Variants in ASPM observed in about 807,000 individuals in gnomAD.
ASPM encodes assembly factor for spindle microtubules, also known as abnormal spindle-like microcephaly-associated protein.
ASPM carries 256 observed loss-of-function variants against 366.4 expected under a neutral mutation model. The ratio of observed to expected loss-of-function variants is 0.70; its 90% CI spans 0.63 to 0.77. ASPM has a LOEUF of 0.77. Ranked by LOEUF, ASPM falls within the 30% of genes least tolerant of loss-of-function variation. The probability of loss-of-function intolerance (pLI) is 0.00; values close to 1 mark genes in which losing one functional copy is unlikely to be tolerated. For missense variants in ASPM, 4,146 were observed against 4,090.4 expected, an observed-to-expected ratio of 1.01 and a Z score of -0.37; for synonymous variants, 1,414 against 1,342.9, an observed-to-expected ratio of 1.05 and a Z score of -1.16.
At chr1:197,126,561 ATT>A (rs1216663208) in intron 10 of ASPM, among the ~76,000 whole-genome samples, 3 of 151,876 alleles carry the variant, frequency 2.0e-5, no homozygotes, top group African/African-American at 7.3e-5. Context: ...AACAATTCCT[ATT>A]GGCCAGAATA....
intron 7 of ASPM, among the ~76,000 whole-genome samples, chr1:197,130,411 A>G (rs919534275): frequency 4.6e-5 from 7 of 152,202 alleles, no homozygotes; most frequent in African/African-American, 1.7e-4. Flanking sequence ...GTGAAGTTAT[A>G]ACAGAAACCT....
rs961959330 is a variant in ASPM at position 197,135,229 on chromosome 1, G to A, written c.2040C>T (p.His680=). ...IKPLKTDIPR[H]PMPFAAKNMF... ...TGTTTTTTGCAGCAAATGGCATCGG[G>A]TGTCTGGGAATATCTAAGAATACAA... The change falls in exon 5 of 28, where the codon CAC becomes CAT. Residue 680 remains histidine (H), a synonymous_variant. Coordinates refer to ENST00000367409, the MANE Select transcript of ASPM (RefSeq NM_018136.5). 4 of 1,613,820 alleles carry A rather than the reference G, an allele frequency of 2.5e-6. No individual in the cohort carries two copies. Among genetic ancestry groups the A allele is most frequent in the Non-Finnish European group, 3.4e-6 (4 of 1,179,940 alleles).
chr1:197,090,941 T>C lies in ASPM; in HGVS notation c.9545A>G (p.Asn3182Ser), dbSNP rs753691434. 3.1e-6 allele frequency: 5 copies of C among 1,613,314 alleles called. No homozygotes were observed. The African/African-American group carries it at 5.3e-5, about 17-fold the overall frequency. ...HEGQECLSQR[N>S]RAASVIQKAV... ...TTTCTGTATTACTGATGCAGCCCTA[T>C]TTCGCTGGCTCAGACATTCTTGACC... is the stretch of plus-strand genomic sequence containing the variant. The change falls in exon 23 of 28, where the codon AAT (asparagine) becomes AGT (serine). Residue 3182 changes from asparagine (N) to serine (S), a missense_variant. By Grantham distance (46) the Asn-to-Ser change is conservative. This residue lies in a region of ASPM where 3,624 missense variants were observed against 3,591.7 expected (regional missense o/e 1.01). Transcript: ENST00000367409.
rs76690125 is a variant in ASPM, at chr1:197,144,463, G to A, written c.298-363C>T. ...AAACACAAGGACCCTGCATTATGAA[G>A]ACTTTATTTAAAAAGAAATGTAAAG... On this transcript the variant is annotated intron_variant, in intron 1 of 27. Transcript: ENST00000367409. Among the ~76,000 whole-genome samples the A allele has an allele frequency of 9.3e-4, 141 of 152,210 alleles. 2 individuals carry two copies. The East Asian group carries it at 0.02, about 22-fold the overall frequency.
At chr1:197,107,456 C>A (rs1657448171) in intron 17 of ASPM, among the ~76,000 whole-genome samples, 1 of 152,130 alleles carries the variant, frequency 6.6e-6, no homozygotes, top group South Asian at 2.1e-4. Context: ...TATCAACATT[C>A]TCCATAGGAT....
intron 16 of ASPM, 123 bp downstream of exon 16, chr1:197,121,792 A>C (rs1657910203): frequency 9.7e-6 from 12 of 1,242,150 alleles, no homozygotes; most frequent in Non-Finnish European, 1.2e-5. Context: ...ACATATACAC[A>C]ATTACTAAAT....
intron 17 of ASPM, among the ~76,000 whole-genome samples, chr1:197,111,484 TA>T (rs1305140821): frequency 6.6e-6 from 1 of 152,140 alleles, no homozygotes; most frequent in Non-Finnish European, 1.5e-5. Flanking sequence ...GGTGGAAATG[TA>T]AATTAGTTCG....
At chr1:197,134,045 T>G (rs998808601) in intron 5 of ASPM, among the ~76,000 whole-genome samples, 2 of 152,210 alleles carry the variant, frequency 1.3e-5, no homozygotes, top group Middle Eastern at 3.4e-3. Context: ...TTTTTTCTTT[T>G]TTTTTAAGTG....
Position 197,101,601 on chromosome 1 carries a change from TAA to T in ASPM, c.7648_7649del (p.Leu2550LysfsTer18), listed in dbSNP as rs1657185949. On this transcript the variant is annotated frameshift_variant, in exon 18 of 28. Transcript: ENST00000367409. LOFTEE classifies it high-confidence loss of function. ...AYKGMKARQL[L>X]REKHKASIVI... The stretch of plus-strand genomic sequence containing the variant: ...CGATAGAAGCTTTGTGTTTTTCCCT[TAA>T]AAGTTGTCTTGCTTTCATTCCTTTA... 1.2e-6 allele frequency: 2 copies of T among 1,610,414 alleles called. No homozygotes were observed. Among genetic ancestry groups the T allele is most frequent in the African/African-American group, 2.7e-5 (2 of 74,794 alleles).
intron 3 of ASPM, among the ~76,000 whole-genome samples, chr1:197,140,946 T>C (rs1480252215): frequency 6.6e-6 from 1 of 152,184 alleles, no homozygotes. Flanking sequence ...ATGGTTGATA[T>C]AATGCCAGGT....
In ASPM at chr1:197,086,946, A is replaced by G; in HGVS notation, c.10188T>C (p.Val3396=). ...ASDVRSRSKV[V]DRIYSLYKLT... Reference sequence around the variant, plus strand: ...GTTTGTAGAGACTGTAAATACGGTCAACAACTTTGGACCTACTTCGTACAT... The same window carrying G: ...GTTTGTAGAGACTGTAAATACGGTCGACAACTTTGGACCTACTTCGTACAT... The change falls in exon 27 of 28, where the codon GTT becomes GTC. Residue 3396 remains valine (V), a synonymous_variant. Coordinates refer to ENST00000367409, the MANE Select transcript of ASPM (RefSeq NM_018136.5). The G allele has an allele frequency of 6.2e-7, 1 of 1,610,334 alleles. No individual in the cohort carries two copies. The highest frequency in any genetic ancestry group is 8.5e-7 in the Non-Finnish European group (1 of 1,179,498).
Position 197,103,591 on chromosome 1 carries a change from C to T in ASPM, c.5660G>A (p.Gly1887Asp). The change falls in exon 18 of 28, where the codon GGC becomes GAC. Residue 1887 changes from glycine (G) to aspartate (D), a missense_variant. This residue lies in a region of ASPM where 3,624 missense variants were observed against 3,591.7 expected (regional missense o/e 1.01). Transcript: ENST00000367409. Reference sequence around the variant, plus strand: ...TCTAATCTGTTTCCGAACCTTCCAGCCACGATAAGCAGACTGGAGGGAAAT... The same window carrying T: ...TCTAATCTGTTTCCGAACCTTCCAGTCACGATAAGCAGACTGGAGGGAAAT... Reference protein sequence around the residue: ...AVISLQSAYRGWKVRKQIRRE... With the variant: ...AVISLQSAYRDWKVRKQIRRE... 6.2e-7 allele frequency: 1 copy of T among 1,612,904 alleles called. No individual in the cohort carries two copies. Among genetic ancestry groups the T allele is most frequent in the Non-Finnish European group, 8.5e-7 (1 of 1,179,456 alleles).
intron 13 of ASPM, among the ~76,000 whole-genome samples, chr1:197,123,370 C>G (rs1302093020): frequency 6.6e-6 from 1 of 152,070 alleles, no homozygotes; most frequent in Non-Finnish European, 1.5e-5. Context: ...TCACACACGT[C>G]AATAAATGAC....
In ASPM at chr1:197,122,496, G is replaced by A. The variant is rs757558564; in HGVS notation, c.3490C>T (p.Arg1164Cys). 19 of 1,613,456 alleles carry A rather than the reference G, an allele frequency of 1.2e-5. No individual in the cohort carries two copies. The highest frequency in any genetic ancestry group is 1.5e-5 in the Non-Finnish European group (18 of 1,179,678). ...GTACATTCCACAGTTTGAGTAGTAC[G>A]CTGACATATAGCGTCAAATGGCACA... ...CYVPFDAICQRTTQTVECTQT... is the reference protein window; with the variant it reads ...CYVPFDAICQCTTQTVECTQT... The change falls in exon 14 of 28, where the codon CGT becomes TGT. Residue 1164 changes from arginine to cysteine, a missense_variant. Physicochemically the swap from Arg to Cys is radical, Grantham distance 180. Around this residue, in one of 3 missense-constraint regions of ASPM, gnomAD observed 3,624 missense variants for 3,591.7 expected, o/e 1.01. Transcript: ENST00000367409.
intron 18 of ASPM, among the ~76,000 whole-genome samples, chr1:197,099,021 G>A (rs1222148790): frequency 6.6e-6 from 1 of 151,560 alleles, no homozygotes. Flanking sequence ...GTGTGAGGGA[G>A]TAACTCTGCT....
Position 197,091,129 on chromosome 1 carries a change from G to T in ASPM, c.9445-88C>A. The T allele has an allele frequency of 2.7e-6, 3 of 1,097,408 alleles. No homozygotes were observed. The South Asian group carries it at 4.2e-5, about 15-fold the overall frequency. 68.0% of individuals were successfully genotyped at this position (1,097,408 alleles called of 1,614,324 possible). A position where few individuals can be genotyped will look rare whatever the true frequency, so the allele number is the denominator to read the frequency against. On this transcript the variant is annotated intron_variant, in intron 22 of 27. Coordinates refer to ENST00000367409, the MANE Select transcript of ASPM (RefSeq NM_018136.5). The stretch of plus-strand genomic sequence containing the variant: ...AATATACATTTATACATAAATGAAA[G>T]AAATAGAACAGTATATCAAGAAATC...
intron 18 of ASPM, among the ~76,000 whole-genome samples, chr1:197,099,940 GACAAA>G (rs1025215055): frequency 6.6e-6 from 1 of 151,512 alleles, no homozygotes; most frequent in Admixed American, 6.6e-5. Flanking sequence ...TTGGCAAATA[GACAAA>G]ACAAAATAAT....
At position 197,143,355 on chromosome 1, in the gene ASPM, G is replaced by A. The variant is rs755696636; in HGVS notation, c.897C>T (p.Thr299=). ...TGTTCAAAGTTGAAGAACAGTTGGG[G>A]GTAAGACTAAGTTTACTATTCTCTC... ...QRGENSKLSL[T]PNCSSTLNIT... Residue 299 remains threonine, a synonymous_variant, in exon 3 of 28, where the codon ACC becomes ACT. Transcript: ENST00000367409. The A allele has an allele frequency of 6.2e-7, 1 of 1,613,712 alleles. No homozygotes were observed. The highest frequency in any genetic ancestry group is 2.2e-5 in the East Asian group (1 of 44,876).
intron 17 of ASPM, among the ~76,000 whole-genome samples, chr1:197,111,289 T>C (rs1657575376): frequency 6.6e-6 from 1 of 151,884 alleles, no homozygotes; most frequent in African/African-American, 2.4e-5. Flanking sequence ...TACACACCTC[T>C]CAAAGGAAGA....
Sources: gnomAD v4.1 joint callset for allele counts (sites outside exome capture counted in the v4.1 genomes callset) on GRCh38, gnomAD v4.1.1 for gene constraint, gnomAD v4.1.1 regional missense constraint, MANE v1.5 for transcripts, NCBI Gene and HGNC (gene_info 2026-07-23, HGNC 2026-07-21) for gene names.